NDUFS4: variants seen among roughly 807,000 people sequenced by gnomAD.
NDUFS4 encodes NADH dehydrogenase [ubiquinone] iron-sulfur protein 4, mitochondrial.
NDUFS4 carries 28 observed loss-of-function variants against 24.3 expected under a neutral mutation model. The observed-to-expected ratio is 1.15, with a 90% confidence interval of 0.85 to 1.58. The LOEUF (loss-of-function observed/expected upper bound fraction) is 1.58, where lower values mean the gene tolerates loss of function less well. NDUFS4 is among the 40% of genes most tolerant of loss of function. The pLI, the probability that NDUFS4 is intolerant of heterozygous loss-of-function variation, is 0.00. For missense variants in NDUFS4, 223 were observed against 207.9 expected, an observed-to-expected ratio of 1.07 and a Z score of -0.45; for synonymous variants, 93 against 69.7, an observed-to-expected ratio of 1.34 and a Z score of -1.67.
In NDUFS4 at chr5:53,560,662, G is replaced by A; in HGVS notation, c.-1G>A. ...TCATCCTGGCGTTTGCCTGCAGCAA[G>A]ATGGCGGCGGTGTCAATGTCAGTGG... On this transcript the variant is annotated 5_prime_UTR_variant, in exon 1 of 5. Coordinates refer to ENST00000296684, the MANE Select transcript of NDUFS4 (RefSeq NM_002495.4). The A allele has an allele frequency of 2.5e-6, 4 of 1,614,274 alleles. No homozygotes were observed. Among genetic ancestry groups the A allele is most frequent in the Non-Finnish European group, 3.4e-6 (4 of 1,180,048 alleles).
chr5:53,600,838 T>G (rs1305871130), intron 1 of NDUFS4, among the ~76,000 whole-genome samples: 1 of 152,156 alleles, frequency 6.6e-6, no homozygotes, highest in African/African-American at 2.4e-5. Context: ...ACATAAAAAT[T>G]AAAATCACTC....
intron 4 of NDUFS4, among the ~76,000 whole-genome samples, chr5:53,667,656 G>C (rs537216910): frequency 1.1e-4 from 17 of 152,156 alleles, no homozygotes; most frequent in Admixed American, 9.8e-4. Flanking sequence ...GCTATTGAAG[G>C]TTGAGTGAAC....
In NDUFS4 at chr5:53,635,960, A is replaced by G. The variant is rs58518963; in HGVS notation, c.178-10273A>G. 5.1e-3 allele frequency among the ~76,000 whole-genome samples: 784 copies of G among 152,300 alleles called. 7 individuals are homozygous for G. The highest frequency in any genetic ancestry group is 0.018 in the African/African-American group (748 of 41,568). ...ATCATATACTACTATTAGGGAGAAA[A>G]TCTTTTGAATACCCGTTGCAAAGTT... On this transcript the variant is annotated intron_variant, in intron 2 of 4. Transcript: ENST00000296684.
At chr5:53,644,612 G>A (rs1231278627) in intron 2 of NDUFS4, among the ~76,000 whole-genome samples, 1 of 151,882 alleles carries the variant, frequency 6.6e-6, no homozygotes, top group East Asian at 1.9e-4. Flanking sequence ...AGTTGAACCT[G>A]AATATTAGAA....
intron 1 of NDUFS4, among the ~76,000 whole-genome samples, chr5:53,566,396 G>A (rs892443458): frequency 6.6e-6 from 1 of 152,156 alleles, no homozygotes; most frequent in African/African-American, 2.4e-5. Context: ...ATTCCAAGTA[G>A]CATTTGTTTT....
intron 2 of NDUFS4, among the ~76,000 whole-genome samples, chr5:53,616,029 T>TCCAGTTTCCTTTTTTG (rs1750826940): frequency 6.6e-6 from 1 of 152,136 alleles, no homozygotes; most frequent in African/African-American, 2.4e-5. Context: ...TAGTATGCAT[T>TCCAGTTTCCTTTTTTG]ATAATATCTT....
chr5:53,566,802 T>C (rs1017738954), intron 1 of NDUFS4, among the ~76,000 whole-genome samples: 5 of 152,034 alleles, frequency 3.3e-5, no homozygotes, highest in East Asian at 3.8e-4. Flanking sequence ...GAAAAAAGAC[T>C]GTACATGATA....
chr5:53,601,520 CA>C (rs776721891), intron 1 of NDUFS4, among the ~76,000 whole-genome samples: 3 of 152,252 alleles, frequency 2.0e-5, no homozygotes, highest in Non-Finnish European at 4.4e-5. Flanking sequence ...AAAAATTGCA[CA>C]AAATGGGTAC....
intron 1 of NDUFS4, among the ~76,000 whole-genome samples, chr5:53,580,647 T>TTCTTTCTTTCTTTCTCTC (rs1241565289): frequency 2.6e-4 from 39 of 148,238 alleles, no homozygotes; most frequent in Non-Finnish European, 4.7e-4. Context: ...CTTATTTATT[T>TTCTTTCTTTCTTTCTCTC]TCTTTCTTTC....
intron 4 of NDUFS4, among the ~76,000 whole-genome samples, chr5:53,661,504 G>T (rs79099249): frequency 0.69 from 104,386 of 151,384 alleles, 36,485 homozygotes; most frequent in African/African-American, 0.8. Context: ...GGTTCCATAT[G>T]AAGTTTAAAG....
chr5:53,646,240 C>G lies in NDUFS4; in HGVS notation c.185C>G (p.Thr62Ser). 1.2e-6 allele frequency: 2 copies of G among 1,608,292 alleles called. No individual in the cohort carries two copies. The highest frequency in any genetic ancestry group is 1.3e-5 in the African/African-American group (1 of 74,798). Residue 62 changes from threonine to serine, a missense_variant, in exon 3 of 5, where the codon ACT becomes AGT. Coordinates refer to ENST00000296684, the MANE Select transcript of NDUFS4 (RefSeq NM_002495.4). ...LITVDEKLDI[T>S]TLTGVPEEHI... ...TTTCTTGTTTTTCTGTAGGATATCA[C>G]TACTTTAACTGGAGTTCCAGAAGAG...
At chr5:53,580,239 C>T (rs1749516416) in intron 1 of NDUFS4, among the ~76,000 whole-genome samples, 1 of 152,116 alleles carries the variant, frequency 6.6e-6, no homozygotes, top group Non-Finnish European at 1.5e-5. Flanking sequence ...AACACATATA[C>T]GTGGCAACTA....
At chr5:53,646,205 CGT>C (rs1561383704) in intron 2 of NDUFS4, 26 bp from the exon 3 acceptor site, 1 of 1,553,766 alleles carries the variant, frequency 6.4e-7, no homozygotes, top group Admixed American at 1.7e-5. Context: ...CTGTTTGAAA[CGT>C]GTTTTTTTTT....
intron 1 of NDUFS4, among the ~76,000 whole-genome samples, chr5:53,579,420 C>G (rs983907934): frequency 2.0e-5 from 3 of 152,160 alleles, no homozygotes; most frequent in South Asian, 2.1e-4. Flanking sequence ...CTCTGTGAGG[C>G]TGAATAATGA....
intron 2 of NDUFS4, among the ~76,000 whole-genome samples, chr5:53,613,348 A>G (rs554024740): frequency 6.6e-6 from 1 of 152,134 alleles, no homozygotes; most frequent in South Asian, 2.1e-4. Context: ...GGAGTTTTTT[A>G]TGTTTTATTC....
At chr5:53,669,136 G>C (rs1462138085) in intron 4 of NDUFS4, among the ~76,000 whole-genome samples, 1 of 152,142 alleles carries the variant, frequency 6.6e-6, no homozygotes, top group Non-Finnish European at 1.5e-5. Context: ...GCCCTTTACA[G>C]AAAATTTTAG....
At chr5:53,566,542 C>G (rs936753959) in intron 1 of NDUFS4, among the ~76,000 whole-genome samples, 3 of 152,086 alleles carry the variant, frequency 2.0e-5, no homozygotes, top group African/African-American at 7.2e-5. Context: ...AGTGAAATTA[C>G]TGAAGTTTAC....
At chr5:53,620,344 A>G (rs1750995038) in intron 2 of NDUFS4, among the ~76,000 whole-genome samples, 1 of 152,190 alleles carries the variant, frequency 6.6e-6, no homozygotes, top group East Asian at 1.9e-4. Flanking sequence ...GAATTAGAGT[A>G]TAATAAAAAT....
At chr5:53,595,405 A>C (rs572427235) in intron 1 of NDUFS4, among the ~76,000 whole-genome samples, 21 of 152,338 alleles carry the variant, frequency 1.4e-4, no homozygotes, top group Non-Finnish European at 1.5e-5. Flanking sequence ...TCTTCCATTA[A>C]GGCATTCCAA....
Sources: allele counts gnomAD v4.1 joint callset (sites outside exome capture counted in the v4.1 genomes callset), GRCh38; gene constraint gnomAD v4.1.1; transcripts MANE v1.5; gene names NCBI Gene and HGNC (gene_info 2026-07-23, HGNC 2026-07-21).